Variants in HIVEP3 observed in about 807,000 individuals in gnomAD.
HIVEP3 encodes the protein transcription factor HIVEP3.
A neutral mutation model predicts 152.8 loss-of-function variants in HIVEP3; 49 were observed. That is an observed-to-expected ratio of 0.32 (90% CI 0.26 to 0.41). HIVEP3 has a LOEUF of 0.41. HIVEP3 is among the 10% of genes least tolerant of loss of function. The pLI is 1.00. For missense variants in HIVEP3, 2,790 were observed against 3,103.3 expected, an observed-to-expected ratio of 0.90 and a Z score of 2.40; for synonymous variants, 1,269 against 1,289.0, an observed-to-expected ratio of 0.98 and a Z score of 0.33.
chr1:41,610,924 C>G (rs1377216905), intron 3 of HIVEP3, among the ~76,000 whole-genome samples: 4 of 152,130 alleles, frequency 2.6e-5, no homozygotes, highest in Admixed American at 2.6e-4. Flanking sequence ...ACTCTGTGCT[C>G]CCTGAACAAG....
chr1:41,699,159 C>A (rs1558189922), intron 2 of HIVEP3, among the ~76,000 whole-genome samples: 1 of 152,258 alleles, frequency 6.6e-6, no homozygotes, highest in Admixed American at 6.5e-5. Context: ...AAAGTAAGTG[C>A]TGAGCACGTG....
At chr1:41,695,114 G>A (rs1646252878) in intron 2 of HIVEP3, among the ~76,000 whole-genome samples, 1 of 152,178 alleles carries the variant, frequency 6.6e-6, no homozygotes, top group African/African-American at 2.4e-5. Context: ...AAGAGCTTGG[G>A]TCAAAGAGCT....
At chr1:41,592,947 C>T (rs2149117210) in intron 3 of HIVEP3, among the ~76,000 whole-genome samples, 1 of 152,298 alleles carries the variant, frequency 6.6e-6, no homozygotes, top group South Asian at 2.1e-4. Flanking sequence ...TCCTGACCTG[C>T]TGACCCTCTC....
intron 2 of HIVEP3, among the ~76,000 whole-genome samples, chr1:41,668,124 T>C (rs1208235592): frequency 6.6e-6 from 1 of 152,156 alleles, no homozygotes; most frequent in African/African-American, 2.4e-5. Flanking sequence ...ATATAATCCA[T>C]GTGGCCAGCC....
intron 7 of HIVEP3, among the ~76,000 whole-genome samples, chr1:41,515,541 C>T (rs2149048175): frequency 6.6e-6 from 1 of 152,280 alleles, no homozygotes; most frequent in East Asian, 1.9e-4. Flanking sequence ...TTCACCTGGC[C>T]CTGCCCCTCA....
chr1:41,804,850 C>G (rs990702001), intron 1 of HIVEP3, among the ~76,000 whole-genome samples: 1 of 152,178 alleles, frequency 6.6e-6, no homozygotes, highest in Non-Finnish European at 1.5e-5. Flanking sequence ...TCCTCACTCC[C>G]TCACCCACTG....
intron 1 of HIVEP3, among the ~76,000 whole-genome samples, chr1:41,925,997 C>A (rs1348148097): frequency 6.6e-6 from 1 of 152,090 alleles, no homozygotes; most frequent in East Asian, 1.9e-4. Context: ...GCTTCCCTTC[C>A]TTTTTCCTTT....
intron 5 of HIVEP3, among the ~76,000 whole-genome samples, chr1:41,530,785 G>A (rs1349496178): frequency 6.6e-6 from 1 of 152,184 alleles, no homozygotes; most frequent in Non-Finnish European, 1.5e-5. Flanking sequence ...GCTGCTCTCC[G>A]ACCCCTTCAT....
Position 42,024,827 on chromosome 1 carries a change from T to C in HIVEP3, n.119+10980A>G, listed in dbSNP as rs143628399. Among the ~76,000 whole-genome samples, 257 of 152,360 alleles carry C rather than the reference T, an allele frequency of 1.7e-3. 2 individuals carry two copies. The highest frequency in any genetic ancestry group is 5.9e-3 in the African/African-American group (245 of 41,586). On this transcript the variant is annotated intron_variant and non_coding_transcript_variant, in intron 1 of 3. Coordinates refer to the HIVEP3 transcript ENST00000489103. ...GGCAAACTCCACATTGTTCTTTATA[T>C]GAAAATGTTTTCATTTTGCCATTAT...
At chr1:41,725,790 C>G (rs751069487) in intron 1 of HIVEP3, among the ~76,000 whole-genome samples, 1 of 152,200 alleles carries the variant, frequency 6.6e-6, no homozygotes, top group Non-Finnish European at 1.5e-5. Flanking sequence ...CATAGTGGCT[C>G]AGAGAGATGA....
intron 1 of HIVEP3, among the ~76,000 whole-genome samples, chr1:41,744,999 G>T (rs899084198): frequency 6.6e-6 from 1 of 152,202 alleles, no homozygotes; most frequent in African/African-American, 2.4e-5. Flanking sequence ...GAGCTTGGAT[G>T]TCAGCCAGTC....
intron 1 of HIVEP3, among the ~76,000 whole-genome samples, chr1:41,850,344 G>A (rs1247870829): frequency 6.6e-6 from 1 of 152,124 alleles, no homozygotes; most frequent in African/African-American, 2.4e-5. Flanking sequence ...AAGAAAAACT[G>A]TTTACAAAAT....
At chr1:41,626,500 G>A (rs76231972) in intron 3 of HIVEP3, among the ~76,000 whole-genome samples, 3 of 152,138 alleles carry the variant, frequency 2.0e-5, no homozygotes, top group East Asian at 1.9e-4. Flanking sequence ...GGCACGAAGC[G>A]GGGGGAGGGG....
At chr1:41,960,711 G>A (rs1645165112) in intron 1 of HIVEP3, among the ~76,000 whole-genome samples, 1 of 152,072 alleles carries the variant, frequency 6.6e-6, no homozygotes, top group Non-Finnish European at 1.5e-5. Context: ...CCTGTTTCTA[G>A]GTGCCCAAGC....
chr1:41,766,179 G>A (rs1647998695), intron 1 of HIVEP3, among the ~76,000 whole-genome samples: 1 of 152,212 alleles, frequency 6.6e-6, no homozygotes, highest in Non-Finnish European at 1.5e-5. Context: ...GCACCTGGAG[G>A]CTCTGGAGTT....
intron 1 of HIVEP3, among the ~76,000 whole-genome samples, chr1:41,900,683 A>G (rs1644606356): frequency 6.6e-6 from 1 of 152,060 alleles, no homozygotes; most frequent in Non-Finnish European, 1.5e-5. Context: ...TGGTGATCAC[A>G]GCACTTCAGG....
At chr1:41,865,849 T>C (rs1643959938) in intron 1 of HIVEP3, among the ~76,000 whole-genome samples, 1 of 152,186 alleles carries the variant, frequency 6.6e-6, no homozygotes. Flanking sequence ...TATCTGTCCA[T>C]TACACGTAGC....
At chr1:41,826,349 G>A (rs1377435486) in intron 1 of HIVEP3, among the ~76,000 whole-genome samples, 2 of 152,210 alleles carry the variant, frequency 1.3e-5, no homozygotes, top group African/African-American at 4.8e-5. Context: ...TTTTGCATTA[G>A]TAGCAGTACT....
At chr1:41,627,888 C>T (rs1645140385) in intron 3 of HIVEP3, among the ~76,000 whole-genome samples, 1 of 151,764 alleles carries the variant, frequency 6.6e-6, no homozygotes, top group Non-Finnish European at 1.5e-5. Context: ...CCATCCCTCC[C>T]TCCCTCCCTT....
Sources: allele counts gnomAD v4.1 joint callset (sites outside exome capture counted in the v4.1 genomes callset), GRCh38; gene constraint gnomAD v4.1.1; transcripts MANE v1.5; gene names NCBI Gene and HGNC (gene_info 2026-07-23, HGNC 2026-07-21).